The following DLG5 variants were observed in gnomAD, a reference collection of about 807,000 sequenced individuals.
The protein encoded by DLG5 is discs large MAGUK scaffold protein 5.
DLG5 carries 48 observed loss-of-function variants against 189.8 expected under a neutral mutation model. The ratio of observed to expected loss-of-function variants is 0.25; its 90% CI spans 0.20 to 0.32. DLG5 has a LOEUF of 0.32. Among genes scored for constraint, DLG5 ranks in the 10% least tolerant of loss-of-function variants. The pLI is 1.00. For missense variants in DLG5, 2,160 were observed against 2,544.7 expected (o/e 0.85, Z 3.25); for synonymous variants, 1,016 against 1,054.1 (o/e 0.96, Z 0.70).
intron 13 of DLG5, among the ~76,000 whole-genome samples, chr10:77,826,210 A>C (rs900776318): frequency 6.6e-6 from 1 of 152,232 alleles, no homozygotes; most frequent in Non-Finnish European, 1.5e-5. Flanking sequence ...GTGGCCATGC[A>C]GCACGACACA....
intron 1 of DLG5, among the ~76,000 whole-genome samples, chr10:77,869,771 A>G (rs1844827196): frequency 6.6e-6 from 1 of 152,054 alleles, no homozygotes; most frequent in African/African-American, 2.4e-5. Context: ...TTTTGTCCAC[A>G]CTTAATGTTA....
At chr10:77,838,473 A>C (rs995481491) in intron 7 of DLG5, among the ~76,000 whole-genome samples, 9 of 152,258 alleles carry the variant, frequency 5.9e-5, no homozygotes, top group East Asian at 1.9e-4. Context: ...GGGAAGAAGA[A>C]GGCGAGGGAG....
intron 27 of DLG5, among the ~76,000 whole-genome samples, chr10:77,801,730 C>T (rs533769494): frequency 6.6e-6 from 1 of 152,332 alleles, no homozygotes; most frequent in East Asian, 1.9e-4. Context: ...GGTGGTGGCA[C>T]TGCCTTCAGC....
chr10:77,842,438 C>T (rs1236002051), intron 6 of DLG5, among the ~76,000 whole-genome samples: 3 of 152,210 alleles, frequency 2.0e-5, no homozygotes, highest in African/African-American at 7.2e-5. Context: ...CTCCACTCCA[C>T]TAGAAACAAC....
chr10:77,869,361 G>C, intron 1 of DLG5, 164 bp from the exon 2 acceptor site: 1 of 641,932 alleles, frequency 1.6e-6, no homozygotes, highest in Non-Finnish European at 2.7e-6. Flanking sequence ...AGCAGATCTG[G>C]ACTTCGGTGT....
intron 1 of DLG5, among the ~76,000 whole-genome samples, chr10:77,905,642 C>T (rs969328705): frequency 5.3e-5 from 8 of 152,160 alleles, no homozygotes; most frequent in African/African-American, 1.2e-4. Context: ...TCTGGGTGAA[C>T]GACCTGCCTG....
chr10:77,891,844 C>T (rs923372918), intron 1 of DLG5, among the ~76,000 whole-genome samples: 4 of 152,154 alleles, frequency 2.6e-5, no homozygotes, highest in Non-Finnish European at 4.4e-5. Context: ...CGGAGCCATC[C>T]GGCTCTGCTG....
intron 29 of DLG5, 64 bp from the exon 30 acceptor site, chr10:77,795,022 C>A (rs1036057054): frequency 5.8e-6 from 8 of 1,375,538 alleles, no homozygotes; most frequent in Non-Finnish European, 8.2e-6. Flanking sequence ...CCCTGTCCTG[C>A]CACCAGCAGG....
chr10:77,816,468 C>A, intron 20 of DLG5, 83 bp downstream of exon 20: 1 of 1,598,166 alleles, frequency 6.3e-7, no homozygotes, highest in Non-Finnish European at 8.5e-7. Context: ...TACTAAGCCC[C>A]TTCCCTGCAG....
chr10:77,880,221 A>C (rs1845235233), intron 1 of DLG5, among the ~76,000 whole-genome samples: 1 of 152,168 alleles, frequency 6.6e-6, no homozygotes, highest in Non-Finnish European at 1.5e-5. Context: ...TGGGAGGCCA[A>C]GACGGGTGGA....
rs1227343367 is a variant in DLG5, at chr10:77,917,962, G to A, written c.304+8255C>T. ...GAACCCAGGAGGCGGAGGTTGTGGT[G>A]AGCCGAGATCATGCCATTGTACTCC... On this transcript the variant is annotated intron_variant, in intron 1 of 31. Coordinates refer to ENST00000372391, the MANE Select transcript of DLG5 (RefSeq NM_004747.4). 2.0e-5 allele frequency among the ~76,000 whole-genome samples: 3 copies of A among 150,974 alleles called. No homozygotes were observed. In the East Asian group the frequency reaches 5.8e-4, roughly 29 times the overall value.
chr10:77,863,769 G>C (rs771037267), intron 2 of DLG5, among the ~76,000 whole-genome samples: 1 of 152,158 alleles, frequency 6.6e-6, no homozygotes, highest in Non-Finnish European at 1.5e-5. Context: ...AGAGGTAAGG[G>C]ATTTGGTTTG....
intron 9 of DLG5, among the ~76,000 whole-genome samples, chr10:77,832,538 G>T (rs922122703): frequency 1.2e-4 from 19 of 152,180 alleles, no homozygotes; most frequent in Admixed American, 1.1e-3. Flanking sequence ...CCAGGCCAGT[G>T]CAGCTGAGCT....
rs770352740 is a variant in DLG5, at chr10:77,833,993, C to T, written c.1669G>A (p.Glu557Lys). Reference protein sequence around the residue: ...LRRERDRAVSELAEALRSLDD... With the variant: ...LRRERDRAVSKLAEALRSLDD... Reference sequence around the variant, plus strand: ...AGGCTGCGCAGGGCCTCAGCCAGCTCGCTCACCGCACGGTCCCGCTCCCGC... The same window carrying T: ...AGGCTGCGCAGGGCCTCAGCCAGCTTGCTCACCGCACGGTCCCGCTCCCGC... Residue 557 changes from glutamate to lysine, a missense_variant, in exon 9 of 32, where the codon GAG becomes AAG. Physicochemically the swap from Glu to Lys is moderately conservative, Grantham distance 56 (BLOSUM62 1). This residue lies in a region of DLG5 where 664 missense variants were observed against 838.5 expected (regional missense o/e 0.79). Transcript: ENST00000372391. 15 of 1,608,692 alleles carry T rather than the reference C, an allele frequency of 9.3e-6. No homozygotes were observed. Among genetic ancestry groups the T allele is most frequent in the East Asian group, 2.2e-5 (1 of 44,848 alleles).
chr10:77,855,508 C>A (rs545466173), intron 3 of DLG5, among the ~76,000 whole-genome samples: 2 of 152,358 alleles, frequency 1.3e-5, no homozygotes, highest in African/African-American at 4.8e-5. Flanking sequence ...GTTGCAACCA[C>A]TCGACTCCAC....
intron 1 of DLG5, among the ~76,000 whole-genome samples, chr10:77,893,586 G>T (rs1564580386): frequency 6.6e-6 from 1 of 152,246 alleles, no homozygotes; most frequent in East Asian, 1.9e-4. Flanking sequence ...TCAATGGGCA[G>T]CAGTGCTGGG....
intron 1 of DLG5, among the ~76,000 whole-genome samples, chr10:77,883,584 A>T (rs1845346677): frequency 6.6e-6 from 1 of 152,172 alleles, no homozygotes; most frequent in African/African-American, 2.4e-5. Flanking sequence ...GTTAGAAAAA[A>T]ACATAAGACT....
chr10:77,830,928 G>A (rs1035650781), intron 9 of DLG5, 55 bp from the exon 10 acceptor site: 26 of 1,587,956 alleles, frequency 1.6e-5, no homozygotes, highest in Middle Eastern at 3.3e-4. Context: ...ACATCCCACC[G>A]CGTAACGGCT....
chr10:77,837,913 A>G (rs2154576176), intron 7 of DLG5, among the ~76,000 whole-genome samples: 1 of 152,348 alleles, frequency 6.6e-6, no homozygotes. Context: ...AGAAAGGCCT[A>G]TGGGCTGCAA....
Sources: allele counts gnomAD v4.1 joint callset (sites outside exome capture counted in the v4.1 genomes callset), GRCh38; gene constraint gnomAD v4.1.1; regional missense constraint gnomAD v4.1.1; transcripts MANE v1.5; gene names NCBI Gene and HGNC (gene_info 2026-07-23, HGNC 2026-07-21).